Variants in IRAG2 observed in about 807,000 individuals in gnomAD.
The protein encoded by IRAG2 is lymphoid restricted membrane protein.
Under a neutral mutation model 69.9 loss-of-function variants are expected in IRAG2, and 45 were observed. The ratio of observed to expected loss-of-function variants is 0.64; its 90% CI spans 0.51 to 0.83. The LOEUF (loss-of-function observed/expected upper bound fraction) is 0.83. Ranked by LOEUF, IRAG2 falls within the 40% of genes least tolerant of loss-of-function variation. The pLI is 0.00. For synonymous variants in IRAG2, 193 were observed against 202.4 expected (o/e 0.95, Z 0.40); for missense variants, 520 against 587.0 (o/e 0.89, Z 1.18).
chr12:25,097,231 AAT>A (rs1403133105), intron 15 of IRAG2, among the ~76,000 whole-genome samples, 187 bp downstream of exon 15: 1 of 112,328 alleles, frequency 8.9e-6, no homozygotes, highest in Non-Finnish European at 1.7e-5. Flanking sequence ...ATGTTAAAAA[AAT>A]ATAATACGAT....
chr12:25,057,640 CTTT>C (rs1945351627), intron 1 of IRAG2, among the ~76,000 whole-genome samples: 1 of 152,088 alleles, frequency 6.6e-6, no homozygotes, highest in Non-Finnish European at 1.5e-5. Flanking sequence ...CTTTTAACTT[CTTT>C]TTTATTAATG....
chr12:25,057,252 A>ATTTTTTTT lies in IRAG2; in HGVS notation c.-447+4313_-446-4316dup, dbSNP rs368710047. On this transcript the variant is annotated intron_variant, in intron 1 of 21. Transcript: ENST00000556887. Reference sequence around the variant, plus strand: ...GGTAGGTAGGTAGACAGGTAGACAGATTTTTTTTTTTTTTTTTTTTTTTTG... The same window carrying ATTTTTTTT: ...GGTAGGTAGGTAGACAGGTAGACAGATTTTTTTTTTTTTTTTTTTTTTTTTTTTTTTTG... Among the ~76,000 whole-genome samples the ATTTTTTTT allele has an allele frequency of 1.3e-4, 12 of 89,048 alleles. 1 individual carries two copies. The highest frequency in any genetic ancestry group is 4.2e-4 in the African/African-American group (9 of 21,668). 58.4% of individuals were successfully genotyped at this position (89,048 alleles called of 152,430 possible). A position where few individuals can be genotyped will look rare whatever the true frequency, so the allele number is the denominator to read the frequency against.
At chr12:25,008,941 C>T (rs781093163) in intron 2 of IRAG2, among the ~76,000 whole-genome samples, 1 of 152,064 alleles carries the variant, frequency 6.6e-6, no homozygotes, top group Non-Finnish European at 1.5e-5. Flanking sequence ...TCTTCATATG[C>T]TATACCATTT....
Position 25,079,762 on chromosome 12 carries a change from A to C in IRAG2, c.243A>C (p.Gln81His). ...CAGCTTCTCCCACGATAGAGGCCCA[A>C]GGTAAAATGTTGACAGGTGTAAGCA... ...TRSASPTIEA[Q>H]GTSPAHDNIA... The change falls in exon 9 of 22, where the codon CAA (glutamine) becomes CAC (histidine). Residue 81 changes from glutamine (Q) to histidine (H), a missense_variant and splice_region_variant. By Grantham distance (24) the Gln-to-His change is conservative. Transcript: ENST00000556887. The C allele has an allele frequency of 6.2e-7, 1 of 1,604,108 alleles. No individual in the cohort carries two copies. Among genetic ancestry groups the C allele is most frequent in the Non-Finnish European group, 8.5e-7 (1 of 1,170,820 alleles).
At chr12:25,040,988 A>T (rs1315907730) in intron 16 of IRAG2, among the ~76,000 whole-genome samples, 1 of 151,998 alleles carries the variant, frequency 6.6e-6, no homozygotes, top group East Asian at 1.9e-4. Context: ...ACAGAGAATG[A>T]CTGGGAGCAT....
chr12:25,032,541 G>T (rs1944675966), intron 12 of IRAG2, among the ~76,000 whole-genome samples: 1 of 152,120 alleles, frequency 6.6e-6, no homozygotes, highest in African/African-American at 2.4e-5. Flanking sequence ...ACCCCTGATT[G>T]TCTTAGACAG....
At chr12:25,070,959 C>T (rs1565555927) in intron 6 of IRAG2, among the ~76,000 whole-genome samples, 2 of 152,138 alleles carry the variant, frequency 1.3e-5, no homozygotes, top group Non-Finnish European at 2.9e-5. Flanking sequence ...AGATCCTTTG[C>T]TCATTTTAAA....
At chr12:25,063,560 A>G (rs113502116) in intron 3 of IRAG2, among the ~76,000 whole-genome samples, 160 bp from the exon 4 acceptor site, 49 of 152,322 alleles carry the variant, frequency 3.2e-4, no homozygotes, top group African/African-American at 1.1e-3. Flanking sequence ...CAAACACTTG[A>G]AAGCTTTTTT....
chr12:25,060,556 T>G (rs1565545259), intron 1 of IRAG2, among the ~76,000 whole-genome samples: 1 of 152,036 alleles, frequency 6.6e-6, no homozygotes, highest in Admixed American at 6.6e-5. Context: ...GATCTACTTG[T>G]AGGATTCTGG....
rs1592066599 is a variant in IRAG2, at chr12:25,090,082, G to A, written c.491G>A (p.Gly164Glu). ...GCAGAATTTCTCAGATTATCTTTGGGATTTAAGTGTGACTGGTTTACCTTG... is the reference window on the plus strand; with the variant it reads ...GCAGAATTTCTCAGATTATCTTTGGAATTTAAGTGTGACTGGTTTACCTTG... ...VEAEFLRLSL[G>E]FKCDWFTLEK... The change falls in exon 14 of 22, where the codon GGA becomes GAA. Residue 164 changes from glycine to glutamate, a missense_variant. Physicochemically the swap from Gly to Glu is moderately conservative, Grantham distance 98. Transcript: ENST00000556887. 3.1e-6 allele frequency: 5 copies of A among 1,614,044 alleles called. No homozygotes were observed. The East Asian group carries it at 1.1e-4, about 36-fold the overall frequency.
chr12:25,108,009 T>A lies in IRAG2; in HGVS notation c.1449T>A (p.His483Gln). The A allele has an allele frequency of 6.2e-7, 1 of 1,614,124 alleles. No individual in the cohort carries two copies. The highest frequency in any genetic ancestry group is 2.2e-5 in the East Asian group (1 of 44,886). ...QQEDSWTSLE[H>Q]ILWPFTRLRH... ...AGGACTCATGGACGTCTCTAGAACA[T>A]ATCTTGTGGCCATTTACCAGACTCC... Residue 483 changes from histidine (H) to glutamine (Q), a missense_variant, in exon 22 of 22, where the codon CAT (histidine) becomes CAA (glutamine). Physicochemically the swap from His to Gln is conservative, Grantham distance 24 (BLOSUM62 0). Coordinates refer to ENST00000556887, the MANE Select transcript of IRAG2 (RefSeq NM_001366544.2).
At position 25,057,750 on chromosome 12, in the gene IRAG2, C is replaced by T. The variant is rs555030631; in HGVS notation, c.-446-3842C>T. On this transcript the variant is annotated intron_variant, in intron 1 of 21. Coordinates refer to ENST00000556887, the MANE Select transcript of IRAG2 (RefSeq NM_001366544.2). ...CACGGAATTTCTATCACCCCAGAAA[C>T]TTCCCTTGTGCAACTTCCCAGTCAA... is the stretch of plus-strand genomic sequence containing the variant. 3.0e-4 allele frequency among the ~76,000 whole-genome samples: 45 copies of T among 152,230 alleles called. No homozygotes were observed. The South Asian group carries it at 4.8e-3, about 16-fold the overall frequency.
chr12:25,089,808 T>A lies in IRAG2; in HGVS notation c.465+18T>A. ...AGGTGGAGGTGAGTTTAAAGCAAAT[T>A]TTTTTTCCTTTTAAAAAAGTGTTCC... On this transcript the variant is annotated intron_variant, in intron 13 of 21. Coordinates refer to ENST00000556887, the MANE Select transcript of IRAG2 (RefSeq NM_001366544.2). The A allele has an allele frequency of 1.2e-6, 2 of 1,612,238 alleles. No individual in the cohort carries two copies. The highest frequency in any genetic ancestry group is 1.3e-5 in the African/African-American group (1 of 75,016).
chr12:25,030,907 A>C (rs1278883387), intron 10 of IRAG2: 2 of 450,980 alleles, frequency 4.4e-6, no homozygotes, highest in Non-Finnish European at 5.9e-6. Flanking sequence ...TGGAAGAAGA[A>C]TATATACCCA....
At chr12:25,043,355 T>C (rs1380630948) in intron 16 of IRAG2, among the ~76,000 whole-genome samples, 1 of 151,822 alleles carries the variant, frequency 6.6e-6, no homozygotes, top group East Asian at 1.9e-4. Flanking sequence ...CTGCCTAAGA[T>C]ACTGGCTTCT....
At chr12:25,048,729 G>A (rs185732501), upstream of IRAG2, among the ~76,000 whole-genome samples, 86 of 152,288 alleles carry the variant, frequency 5.6e-4, 1 homozygote, top group African/African-American at 2.4e-5. Flanking sequence ...TGACTCTGAT[G>A]ATAGTTTATT....
At chr12:25,055,466 T>G (rs1202165429) in intron 1 of IRAG2, among the ~76,000 whole-genome samples, 1 of 152,240 alleles carries the variant, frequency 6.6e-6, no homozygotes, top group Non-Finnish European at 1.5e-5. Context: ...AAAGGAAATT[T>G]TTTTTATTAT....
chr12:25,060,229 T>C (rs868286628), intron 1 of IRAG2, among the ~76,000 whole-genome samples: 4 of 152,292 alleles, frequency 2.6e-5, no homozygotes, highest in Middle Eastern at 3.4e-3. Context: ...GGCATAAATA[T>C]CAGTATCTAT....
chr12:25,059,383 C>T (rs976376629), intron 1 of IRAG2, among the ~76,000 whole-genome samples: 6 of 152,218 alleles, frequency 3.9e-5, no homozygotes, highest in Admixed American at 2.6e-4. Flanking sequence ...CAGAGTCTTG[C>T]TCTGTCACCC....
Sources: allele counts gnomAD v4.1 joint callset (sites outside exome capture counted in the v4.1 genomes callset), GRCh38; gene constraint gnomAD v4.1.1; transcripts MANE v1.5; gene names NCBI Gene and HGNC (gene_info 2026-07-23, HGNC 2026-07-21).